SYNDIG1L: variants seen among roughly 807,000 people sequenced by gnomAD.
SYNDIG1L encodes synapse differentiation inducing 1 like.
In SYNDIG1L, 13 loss-of-function variants were observed where a neutral mutation model predicts 20.1. The ratio of observed to expected loss-of-function variants is 0.65; its 90% confidence interval spans 0.42 to 1.03. The LOEUF (loss-of-function observed/expected upper bound fraction) is 1.03, where lower values mean the gene tolerates loss of function less well. Ranked by LOEUF, SYNDIG1L falls within the 50% of genes least tolerant of loss-of-function variation. The pLI, the probability that SYNDIG1L is intolerant of heterozygous loss-of-function variation, is 0.00. For missense variants in SYNDIG1L, 294 were observed against 305.1 expected (o/e 0.96, Z 0.27); for synonymous variants, 128 against 129.3 (o/e 0.99, Z 0.07).
At chr14:74,416,112 T>C (rs2086172488) in intron 1 of SYNDIG1L, among the ~76,000 whole-genome samples, 1 of 147,476 alleles carries the variant, frequency 6.8e-6, no homozygotes, top group Non-Finnish European at 1.5e-5. Flanking sequence ...CTGAGGACTT[T>C]AAGGAATGTC....
At chr14:74,450,853 A>T in the SYNDIG1L span, among the ~76,000 whole-genome samples, 1 of 152,182 alleles carries the variant, frequency 6.6e-6, no homozygotes, top group Non-Finnish European at 1.5e-5. Flanking sequence ...ACCAACTAAG[A>T]TATAGAAATG....
In SYNDIG1L at chr14:74,409,586, C is replaced by T. The variant is rs2086113638; in HGVS notation, c.159G>A (p.Gln53=). The part of the protein sequence containing the change: ...LGGAGPAGAH[Q]LLDPGSLQLA... The stretch of plus-strand genomic sequence containing the variant: ...GCTGCAGGGACCCTGGGTCCAGGAG[C>T]TGGTGGGCTCCGGCAGGCCCAGCGC... Residue 53 remains glutamine, a synonymous_variant, in exon 2 of 4, where the codon CAG becomes CAA. Coordinates refer to ENST00000331628, the MANE Select transcript of SYNDIG1L (RefSeq NM_001105579.2). The T allele has an allele frequency of 2.6e-6, 4 of 1,509,638 alleles. No individual in the cohort carries two copies. Among genetic ancestry groups the T allele is most frequent in the Non-Finnish European group, 3.5e-6 (4 of 1,130,468 alleles). The allele number at this position is 1,509,638 out of a possible 1,614,324, so 93.5% of individuals were successfully genotyped here. A position where few individuals can be genotyped will look rare whatever the true frequency, so the allele number is the denominator to read the frequency against.
chr14:74,407,371 G>A lies in SYNDIG1L; in HGVS notation c.*164C>T. 1 of 1,004,600 alleles carries A rather than the reference G, an allele frequency of 1.0e-6. No homozygotes were observed. Among genetic ancestry groups the A allele is most frequent in the Non-Finnish European group, 1.4e-6 (1 of 696,742 alleles). The allele number at this position is 1,004,600 out of a possible 1,614,324, so 62.2% of individuals were successfully genotyped here. On this transcript the variant is annotated 3_prime_UTR_variant, in exon 4 of 4. Coordinates refer to ENST00000331628, the MANE Select transcript of SYNDIG1L (RefSeq NM_001105579.2). Reference sequence around the variant, plus strand: ...GGCTGGGAGCAGCGGGCAAGCAGAAGTGAAGGCTGAGCTCTGCAGGCTGTG... The same window carrying A: ...GGCTGGGAGCAGCGGGCAAGCAGAAATGAAGGCTGAGCTCTGCAGGCTGTG...
At chr14:74,474,385 G>A in the SYNDIG1L span, 3 of 152,292 alleles carry the variant, frequency 2.0e-5, no homozygotes, top group African/African-American at 7.2e-5. Flanking sequence ...GCCAAGCCAA[G>A]CCTTGGCAAA....
chr14:74,442,337 T>C, the SYNDIG1L span, among the ~76,000 whole-genome samples: 1 of 152,198 alleles, frequency 6.6e-6, no homozygotes, highest in African/African-American at 2.4e-5. Context: ...AAGAAACTAT[T>C]TCCGAGGAAC....
the SYNDIG1L span, among the ~76,000 whole-genome samples, chr14:74,433,194 G>A: frequency 2.0e-5 from 3 of 152,078 alleles, no homozygotes; most frequent in Non-Finnish European, 4.4e-5. Flanking sequence ...CTTTGCATCA[G>A]GCACACCTAG....
the SYNDIG1L span, among the ~76,000 whole-genome samples, chr14:74,432,176 T>A: frequency 5.8e-3 from 812 of 140,014 alleles, 8 homozygotes; most frequent in African/African-American, 0.016. Flanking sequence ...TGTGTGTGTG[T>A]GTGTGAGAGA....
At chr14:74,446,969 A>C in the SYNDIG1L span, among the ~76,000 whole-genome samples, 1 of 152,128 alleles carries the variant, frequency 6.6e-6, no homozygotes, top group African/African-American at 2.4e-5. Flanking sequence ...GGCTGGGCAC[A>C]GTGGCTCACG....
At chr14:74,461,562 T>C in the SYNDIG1L span, among the ~76,000 whole-genome samples, 1 of 152,082 alleles carries the variant, frequency 6.6e-6, no homozygotes, top group Non-Finnish European at 1.5e-5. Context: ...CCCGAAAACC[T>C]CATTCAATTG....
At chr14:74,423,488 G>A (rs536144093) in intron 1 of SYNDIG1L, among the ~76,000 whole-genome samples, 1 of 152,294 alleles carries the variant, frequency 6.6e-6, no homozygotes, top group East Asian at 1.9e-4. Context: ...CCAACAGCTG[G>A]GAGCCAGAAA....
chr14:74,445,732 C>G, the SYNDIG1L span, among the ~76,000 whole-genome samples: 1 of 152,160 alleles, frequency 6.6e-6, no homozygotes, highest in Non-Finnish European at 1.5e-5. Context: ...CTGCCTTGGC[C>G]TCCCAAAGTG....
chr14:74,426,100 G>GCCGC lies in SYNDIG1L; in HGVS notation c.-250_-247dup, dbSNP rs1444198197. On this transcript the variant is annotated 5_prime_UTR_variant, in exon 1 of 4. An upstream open reading frame in the 5' UTR loses its in-frame stop. Transcript: ENST00000331628. ...CAGCTCCCGCCCGCAGCCCGCCGCC[G>GCCGC]CCGCCCGCCCCGCCCCGCGCGGTCC... 1 of 148,978 alleles carries GCCGC rather than the reference G, an allele frequency of 6.7e-6. No homozygotes were observed. The highest frequency in any genetic ancestry group is 1.5e-5 in the Non-Finnish European group (1 of 66,522). 9.2% of individuals were successfully genotyped at this position (148,978 alleles called of 1,614,324 possible). A position where few individuals can be genotyped will look rare whatever the true frequency, so the allele number is the denominator to read the frequency against.
chr14:74,425,624 T>G (rs949029009), intron 1 of SYNDIG1L, among the ~76,000 whole-genome samples: 5 of 152,190 alleles, frequency 3.3e-5, no homozygotes, highest in African/African-American at 1.2e-4. Flanking sequence ...TCAGTATTTC[T>G]TGCCGTCAGT....
the SYNDIG1L span, among the ~76,000 whole-genome samples, chr14:74,466,718 A>G: frequency 1.3e-5 from 2 of 152,164 alleles, no homozygotes; most frequent in Admixed American, 6.5e-5. Flanking sequence ...AACCCTGAAC[A>G]TTGAGCTTCC....
Position 74,409,512 on chromosome 14 carries a change from T to C in SYNDIG1L, c.233A>G (p.Lys78Arg), listed in dbSNP as rs2086113060. 1 of 1,607,544 alleles carries C rather than the reference T, an allele frequency of 6.2e-7. No homozygotes were observed. The highest frequency in any genetic ancestry group is 8.5e-7 in the Non-Finnish European group (1 of 1,177,202). ...GCTGCCTGCCCTGGGCTCCTTGACC[T>C]TGTCTCTCCCCAGGAGGCAGCTGGG... ...YRPSCLLGRD[K>R]VKEPRAGSCE... The change falls in exon 2 of 4, where the codon AAG (lysine) becomes AGG (arginine). Residue 78 changes from lysine to arginine, a missense_variant. Lys to Arg is a conservative substitution (Grantham distance 26). Transcript: ENST00000331628.
chr14:74,429,616 G>A (rs900995732), upstream of SYNDIG1L, among the ~76,000 whole-genome samples: 1 of 152,226 alleles, frequency 6.6e-6, no homozygotes, highest in Non-Finnish European at 1.5e-5. Flanking sequence ...TTGAGCTCAC[G>A]GCCAAGGCCA....
chr14:74,441,036 A>T, the SYNDIG1L span, among the ~76,000 whole-genome samples: 1 of 152,338 alleles, frequency 6.6e-6, no homozygotes, highest in South Asian at 2.1e-4. Context: ...ACAAGAAAAG[A>T]TAAGGCAGTT....
In SYNDIG1L at chr14:74,406,025, A is replaced by G; in HGVS notation, c.*1510T>C. The G allele has an allele frequency of 2.5e-6, 1 of 398,840 alleles. No homozygotes were observed. Among genetic ancestry groups the G allele is most frequent in the Admixed American group, 4.4e-5 (1 of 22,734 alleles). 24.7% of individuals were successfully genotyped at this position (398,840 alleles called of 1,614,324 possible). Reference sequence around the variant, plus strand: ...GAGGACAGTGGGACAAGGGATGCTCAGTGGTGGAGCCACAGCCCTGGGCTC... The same window carrying G: ...GAGGACAGTGGGACAAGGGATGCTCGGTGGTGGAGCCACAGCCCTGGGCTC... On this transcript the variant is annotated 3_prime_UTR_variant, in exon 4 of 4. Transcript: ENST00000331628.
chr14:74,469,528 AAG>A, the SYNDIG1L span, among the ~76,000 whole-genome samples: 2 of 147,138 alleles, frequency 1.4e-5, no homozygotes, highest in Non-Finnish European at 3.0e-5. Context: ...ATAAAAAAAA[AAG>A]AAGAAGAAGA....
Sources: gnomAD v4.1 joint callset for allele counts (sites outside exome capture counted in the v4.1 genomes callset) on GRCh38, gnomAD v4.1.1 for gene constraint, MANE v1.5 for transcripts, NCBI Gene and HGNC (gene_info 2026-07-23, HGNC 2026-07-21) for gene names.